Variants in CAMTA1 observed in about 807,000 individuals in gnomAD.
The protein encoded by CAMTA1 is calmodulin-binding transcription activator 1.
In CAMTA1, 27 loss-of-function variants were observed where a neutral mutation model predicts 170.9. The ratio of observed to expected loss-of-function variants is 0.16; its 90% CI spans 0.12 to 0.22. The LOEUF (loss-of-function observed/expected upper bound fraction) is 0.22, where lower values mean the gene tolerates loss of function less well. Among genes scored for constraint, CAMTA1 ranks in the 10% least tolerant of loss-of-function variants. The pLI, the probability that CAMTA1 is intolerant of heterozygous loss-of-function variation, is 1.00. For missense variants in CAMTA1, 1,619 were observed against 2,217.2 expected (o/e 0.73, Z 5.42); for synonymous variants, 833 against 891.5 (o/e 0.93, Z 1.17).
Position 7,532,554 on chromosome 1 carries a change from G to A in CAMTA1, c.510+64653G>A, listed in dbSNP as rs532779806. On this transcript the variant is annotated intron_variant, in intron 6 of 22. Coordinates refer to ENST00000303635, the MANE Select transcript of CAMTA1 (RefSeq NM_015215.4). This position sits in a 1 kb window ranked among gnomAD's most constrained non-coding sequence, Gnocchi z 4.2. ...TGGGCTCAATCAATCCTCCCATTTC[G>A]GCCCCCCGAGTTCAGCTTCTTTCTT... Among the ~76,000 whole-genome samples, 77 of 152,052 alleles carry A rather than the reference G, an allele frequency of 5.1e-4. No homozygotes were observed. The highest frequency in any genetic ancestry group is 4.2e-3 in the Admixed American group (64 of 15,258).
At position 7,173,592 on chromosome 1, in the gene CAMTA1, G is replaced by A. The variant is rs1650129289; in HGVS notation, c.303-75899G>A. 6.6e-6 allele frequency among the ~76,000 whole-genome samples: 1 copy of A among 152,036 alleles called. No homozygotes were observed. Among genetic ancestry groups the A allele is most frequent in the Admixed American group, 6.6e-5 (1 of 15,264 alleles). ...AGTAGAGATGGGGTTTTTCCATGTTGGCCAGGCTGGTCTCTTAATTCCTGA... is the reference window on the plus strand; with the variant it reads ...AGTAGAGATGGGGTTTTTCCATGTTAGCCAGGCTGGTCTCTTAATTCCTGA... On this transcript the variant is annotated intron_variant, in intron 4 of 22. Coordinates refer to ENST00000303635, the MANE Select transcript of CAMTA1 (RefSeq NM_015215.4). The surrounding 1 kb of genome is among the most constrained non-coding windows in gnomAD (Gnocchi z 5.4).
chr1:7,373,482 T>G (rs1213218661), intron 5 of CAMTA1, among the ~76,000 whole-genome samples: 1 of 152,116 alleles, frequency 6.6e-6, no homozygotes, highest in Non-Finnish European at 1.5e-5. Context: ...TCTCCCCTAC[T>G]CGGGGGAAGC....
intron 3 of CAMTA1, among the ~76,000 whole-genome samples, chr1:6,975,420 G>A (rs1353265063): frequency 6.6e-6 from 1 of 152,150 alleles, no homozygotes; most frequent in Non-Finnish European, 1.5e-5. Context: ...GGGCTCTTGG[G>A]GATGCTCCTC....
intron 5 of CAMTA1, among the ~76,000 whole-genome samples, chr1:7,367,902 GCA>G (rs1411662771): frequency 6.6e-6 from 1 of 151,784 alleles, no homozygotes; most frequent in African/African-American, 2.4e-5. Context: ...GTTTCGTTGG[GCA>G]CAGACACTGG....
intron 16 of CAMTA1, among the ~76,000 whole-genome samples, chr1:7,744,164 C>T (rs1357870224): frequency 8.1e-5 from 10 of 123,038 alleles, no homozygotes; most frequent in Non-Finnish European, 1.3e-4. Flanking sequence ...TGGAGTCTCG[C>T]GCTGTCGCCC....
chr1:6,998,370 A>G (rs1468606255), intron 3 of CAMTA1, among the ~76,000 whole-genome samples: 2 of 152,220 alleles, frequency 1.3e-5, no homozygotes, highest in Non-Finnish European at 2.9e-5. Flanking sequence ...CTGCACCTCC[A>G]GCAGGCTTCT....
intron 3 of CAMTA1, among the ~76,000 whole-genome samples, chr1:7,062,749 C>A (rs188244983): frequency 4.4e-4 from 67 of 152,354 alleles, no homozygotes; most frequent in African/African-American, 1.6e-3. Context: ...GAGGCCCGAC[C>A]TCCAAGTCCA....
In CAMTA1 at chr1:7,144,642, C is replaced by G. The variant is rs191569051; in HGVS notation, c.302+53271C>G. Among the ~76,000 whole-genome samples, 1 of 152,294 alleles carries G rather than the reference C, an allele frequency of 6.6e-6. No individual in the cohort carries two copies. The highest frequency in any genetic ancestry group is 1.9e-4 in the East Asian group (1 of 5,190). The stretch of plus-strand genomic sequence containing the variant: ...TTGTTTATACAGATATTAGGACTTG[C>G]AATTGTCAGGTCACACCACTCAGAA... On this transcript the variant is annotated intron_variant, in intron 4 of 22. Coordinates refer to ENST00000303635, the MANE Select transcript of CAMTA1 (RefSeq NM_015215.4). The surrounding 1 kb of genome is among the most constrained non-coding windows in gnomAD (Gnocchi z 4.0).
chr1:7,380,955 G>A (rs1163492064), intron 5 of CAMTA1, among the ~76,000 whole-genome samples: 1 of 152,128 alleles, frequency 6.6e-6, no homozygotes, highest in Admixed American at 6.5e-5. Context: ...CAGACTCTGT[G>A]CCAAGGGTTT....
At chr1:7,365,439 C>T (rs781284867) in intron 5 of CAMTA1, among the ~76,000 whole-genome samples, 1 of 152,210 alleles carries the variant, frequency 6.6e-6, no homozygotes, top group African/African-American at 2.4e-5. Context: ...TTAAAACCTC[C>T]TGTTCATATT....
At chr1:7,153,795 GA>G (rs1467900788) in intron 4 of CAMTA1, among the ~76,000 whole-genome samples, 1 of 152,202 alleles carries the variant, frequency 6.6e-6, no homozygotes, top group East Asian at 1.9e-4. Flanking sequence ...TCCCTTGCAT[GA>G]CAGGGACGCA....
intron 4 of CAMTA1, among the ~76,000 whole-genome samples, chr1:7,228,039 A>G (rs1427265538): frequency 6.6e-6 from 1 of 152,230 alleles, no homozygotes; most frequent in African/African-American, 2.4e-5. Flanking sequence ...TTTCTATGAA[A>G]TGATATGTCT....
At chr1:6,899,263 A>ATT (rs1676335888) in intron 3 of CAMTA1, among the ~76,000 whole-genome samples, 1 of 152,166 alleles carries the variant, frequency 6.6e-6, no homozygotes, top group African/African-American at 2.4e-5. Context: ...GAAGCAGCTT[A>ATT]TTGTCTCACG....
intron 6 of CAMTA1, among the ~76,000 whole-genome samples, chr1:7,517,403 C>T (rs932454107): frequency 2.0e-5 from 3 of 152,164 alleles, no homozygotes; most frequent in African/African-American, 7.2e-5. Context: ...TGTTCCCCAA[C>T]CTGTGAAATG....
At chr1:7,479,776 C>A (rs954368820) in intron 6 of CAMTA1, among the ~76,000 whole-genome samples, 8 of 152,230 alleles carry the variant, frequency 5.3e-5, no homozygotes, top group Non-Finnish European at 1.2e-4. Flanking sequence ...TGCCTCTCTA[C>A]CTAGTCCCTT....
At chr1:7,313,795 G>A (rs1412604997) in intron 5 of CAMTA1, among the ~76,000 whole-genome samples, 1 of 152,094 alleles carries the variant, frequency 6.6e-6, no homozygotes, top group Non-Finnish European at 1.5e-5. Flanking sequence ...AAAGAAGTAC[G>A]TAGGGAGACA....
intron 3 of CAMTA1, among the ~76,000 whole-genome samples, chr1:7,030,507 A>G (rs1241521512): frequency 6.6e-6 from 1 of 152,188 alleles, no homozygotes; most frequent in East Asian, 1.9e-4. Flanking sequence ...GTTTTTCCCA[A>G]TTCTAATTCT....
intron 5 of CAMTA1, among the ~76,000 whole-genome samples, chr1:7,304,458 G>A (rs149457231): frequency 1.3e-3 from 197 of 152,264 alleles, no homozygotes; most frequent in South Asian, 3.9e-3. Context: ...CAGTTTAGAC[G>A]ATGGACTGTG....
chr1:6,935,647 A>G (rs897656251), intron 3 of CAMTA1, among the ~76,000 whole-genome samples: 7 of 152,228 alleles, frequency 4.6e-5, no homozygotes, highest in African/African-American at 1.4e-4. Flanking sequence ...CCGACATCAC[A>G]TCAGCTCTGG....
Sources: gnomAD v4.1 joint callset for allele counts (sites outside exome capture counted in the v4.1 genomes callset) on GRCh38, gnomAD v4.1.1 for gene constraint, Gnocchi (gnomAD v3.1) non-coding constraint, MANE v1.5 for transcripts, NCBI Gene and HGNC (gene_info 2026-07-23, HGNC 2026-07-21) for gene names.